MEGF10: variants seen among roughly 807,000 people sequenced by gnomAD.
MEGF10 encodes the protein multiple EGF like domains 10, also known as multiple epidermal growth factor-like domains protein 10.
A neutral mutation model predicts 147.5 loss-of-function variants in MEGF10; 86 were observed. The ratio of observed to expected loss-of-function variants is 0.58; its 90% CI spans 0.49 to 0.70. MEGF10 has a LOEUF of 0.70. Among genes scored for constraint, MEGF10 ranks in the 30% least tolerant of loss-of-function variants. MEGF10 has a pLI of 0.00. For synonymous variants in MEGF10, 478 were observed against 525.5 expected (o/e 0.91, Z 1.24); for missense variants, 1,329 against 1,487.3 (o/e 0.89, Z 1.75).
intron 4 of MEGF10, among the ~76,000 whole-genome samples, chr5:127,358,834 G>A (rs1407855153): frequency 1.3e-5 from 2 of 152,114 alleles, no homozygotes; most frequent in Non-Finnish European, 2.9e-5. Context: ...TGATGTTTTA[G>A]TCCATTAAGG....
chr5:127,406,331 G>A (rs182608041), intron 8 of MEGF10, among the ~76,000 whole-genome samples: 3 of 152,292 alleles, frequency 2.0e-5, no homozygotes, highest in East Asian at 3.9e-4. Context: ...CTTGCTTCTC[G>A]ACCTGCTGCT....
the MEGF10 span, among the ~76,000 whole-genome samples, chr5:127,237,869 G>A: frequency 2.0e-5 from 3 of 151,882 alleles, no homozygotes; most frequent in Admixed American, 2.0e-4. Context: ...ACCCTATGGT[G>A]TCTTCTACTG....
intron 5 of MEGF10, among the ~76,000 whole-genome samples, chr5:127,385,908 C>A (rs1388305689): frequency 1.3e-5 from 2 of 152,170 alleles, no homozygotes; most frequent in African/African-American, 4.8e-5. Flanking sequence ...AGTTCAAGAC[C>A]AGCCTGGGCA....
At chr5:127,407,070 AG>A (rs1220567529) in intron 8 of MEGF10, among the ~76,000 whole-genome samples, 1 of 152,166 alleles carries the variant, frequency 6.6e-6, no homozygotes, top group East Asian at 1.9e-4. Flanking sequence ...GGGTGAAAGG[AG>A]GTGAAGTCAA....
the MEGF10 span, among the ~76,000 whole-genome samples, chr5:127,241,266 A>T: frequency 2.0e-5 from 3 of 152,316 alleles, no homozygotes; most frequent in African/African-American, 7.2e-5. Context: ...ATAACTGTGG[A>T]AAGCAAAGGT....
chr5:127,400,207 A>G (rs1307105158), intron 7 of MEGF10, among the ~76,000 whole-genome samples: 2 of 152,232 alleles, frequency 1.3e-5, no homozygotes, highest in Admixed American at 6.5e-5. Context: ...TGAGTAGCCC[A>G]GACAAAGTTC....
At chr5:127,418,634 C>T (rs183523357) in intron 10 of MEGF10, among the ~76,000 whole-genome samples, 3 of 152,276 alleles carry the variant, frequency 2.0e-5, no homozygotes, top group East Asian at 1.9e-4. Flanking sequence ...TGCTCCCTGT[C>T]GGATAAAGTG....
chr5:127,421,483 G>A (rs1471300002), intron 12 of MEGF10, among the ~76,000 whole-genome samples: 1 of 152,152 alleles, frequency 6.6e-6, no homozygotes, highest in East Asian at 1.9e-4. Context: ...GGCTTGTAGT[G>A]CCTCCCTCAT....
chr5:127,239,454 T>A, the MEGF10 span, among the ~76,000 whole-genome samples: 1 of 142,512 alleles, frequency 7.0e-6, no homozygotes, highest in African/African-American at 2.6e-5. Flanking sequence ...ATATATATTA[T>A]ATATAAAATA....
upstream of MEGF10, among the ~76,000 whole-genome samples, chr5:127,286,702 A>G (rs982036390): frequency 2.0e-5 from 3 of 152,022 alleles, 1 homozygote. Flanking sequence ...TCTAATGTAT[A>G]TAGAAGGAAG....
intron 8 of MEGF10, among the ~76,000 whole-genome samples, chr5:127,407,993 G>A (rs989197949): frequency 6.6e-6 from 1 of 152,190 alleles, no homozygotes; most frequent in African/African-American, 2.4e-5. Flanking sequence ...GGCTGCTTTA[G>A]TAAGTAACAT....
At chr5:127,388,967 A>G (rs1763544146) in intron 5 of MEGF10, among the ~76,000 whole-genome samples, 1 of 152,202 alleles carries the variant, frequency 6.6e-6, no homozygotes. Context: ...ATCATTAATC[A>G]TTTGTTGCTC....
chr5:127,454,609 A>C lies in MEGF10; in HGVS notation c.3024A>C (p.Lys1008Asn). The change falls in exon 23 of 25, where the codon AAA becomes AAC. Residue 1008 changes from lysine (K) to asparagine (N), a missense_variant and splice_region_variant. Transcript: ENST00000503335. ...LDRSYMGKSL[K>N]DLGKNSEYNS... ...GAAGCTATATGGGAAAATCCTTAAAAGGTATCATGTAAATTTGAAGAAGAA... is the reference window on the plus strand; with the variant it reads ...GAAGCTATATGGGAAAATCCTTAAACGGTATCATGTAAATTTGAAGAAGAA... The C allele has an allele frequency of 6.2e-7, 1 of 1,607,078 alleles. No homozygotes were observed. The highest frequency in any genetic ancestry group is 8.5e-7 in the Non-Finnish European group (1 of 1,177,578).
At chr5:127,247,443 GAAGAAGAAGAAGAAGAAGA>G in the MEGF10 span, among the ~76,000 whole-genome samples, 1 of 118,264 alleles carries the variant, frequency 8.5e-6, no homozygotes, top group East Asian at 2.2e-4. Context: ...AGAAGAAGAA[GAAGAAGAAGAAGAAGAAGA>G]AGAAGAAGAA....
rs1297952424 is a variant in MEGF10 at position 127,422,857 on chromosome 5, C to T, written c.1693+85C>T. ...TTCCTTATCACTTCACAGAAACACA[C>T]ACCAGTCAACTTTTCAAAAAAAATG... On this transcript the variant is annotated intron_variant, in intron 13 of 24. Transcript: ENST00000503335. 4.2e-6 allele frequency: 4 copies of T among 947,880 alleles called. No individual in the cohort carries two copies. In the African/African-American group the frequency reaches 6.6e-5, roughly 16 times the overall value. 58.7% of individuals were successfully genotyped at this position (947,880 alleles called of 1,614,324 possible).
intron 1 of MEGF10, among the ~76,000 whole-genome samples, chr5:127,314,176 G>A (rs900921991): frequency 3.3e-5 from 5 of 152,274 alleles, no homozygotes; most frequent in South Asian, 4.1e-4. Flanking sequence ...CCTCTGGATC[G>A]GTTGTCTGGG....
intron 1 of MEGF10, among the ~76,000 whole-genome samples, chr5:127,292,848 G>A (rs1463772501): frequency 2.0e-5 from 3 of 151,862 alleles, no homozygotes; most frequent in African/African-American, 7.3e-5. Context: ...GTCAAGCACT[G>A]TTTTAGGTTT....
intron 1 of MEGF10, among the ~76,000 whole-genome samples, chr5:127,314,822 T>G (rs1283649581): frequency 1.3e-5 from 2 of 152,176 alleles, no homozygotes; most frequent in Admixed American, 6.5e-5. Flanking sequence ...ATTTTCCTGT[T>G]TAAGTTAAAT....
At chr5:127,312,990 T>C (rs1431339468) in intron 1 of MEGF10, among the ~76,000 whole-genome samples, 1 of 152,228 alleles carries the variant, frequency 6.6e-6, no homozygotes, top group Non-Finnish European at 1.5e-5. Flanking sequence ...TTTTTCTTTC[T>C]TTTTAAATGA....
Sources: gnomAD v4.1 joint callset for allele counts (sites outside exome capture counted in the v4.1 genomes callset) on GRCh38, gnomAD v4.1.1 for gene constraint, MANE v1.5 for transcripts, NCBI Gene and HGNC (gene_info 2026-07-23, HGNC 2026-07-21) for gene names.